Variants in HS6ST1 observed in about 807,000 individuals in gnomAD.
The protein encoded by HS6ST1 is heparan-sulfate 6-O-sulfotransferase 1.
Under a neutral mutation model 25.2 loss-of-function variants are expected in HS6ST1, and 3 were observed. The ratio of observed to expected loss-of-function variants is 0.12; its 90% confidence interval spans 0.05 to 0.31. The LOEUF is 0.31. Among genes scored for constraint, HS6ST1 ranks in the 10% least tolerant of loss-of-function variants. HS6ST1 has a pLI of 1.00. For synonymous variants in HS6ST1, 204 were observed against 275.1 expected, an observed-to-expected ratio of 0.74 and a Z score of 2.56; for missense variants, 310 against 609.6, an observed-to-expected ratio of 0.51 and a Z score of 5.18.
At chr2:128,281,924 C>T (rs1693796067) in intron 1 of HS6ST1, among the ~76,000 whole-genome samples, 3 of 152,254 alleles carry the variant, frequency 2.0e-5, no homozygotes, top group Non-Finnish European at 1.5e-5. Flanking sequence ...GGTTCAATAA[C>T]TAGCCCAGGC....
intron 1 of HS6ST1, among the ~76,000 whole-genome samples, chr2:128,306,470 C>A (rs142879758): frequency 6.6e-6 from 1 of 152,324 alleles, no homozygotes; most frequent in Non-Finnish European, 1.5e-5. Context: ...CGATCTCCCA[C>A]GGTCACCAAT....
chr2:128,302,543 A>C (rs1264637319), intron 1 of HS6ST1, among the ~76,000 whole-genome samples: 3 of 152,060 alleles, frequency 2.0e-5, no homozygotes, highest in African/African-American at 7.2e-5. Flanking sequence ...GGGCCCAGGA[A>C]TAGCTCTGCA....
intron 1 of HS6ST1, among the ~76,000 whole-genome samples, chr2:128,316,073 A>G (rs1694358698): frequency 1.3e-5 from 2 of 152,110 alleles, no homozygotes; most frequent in Admixed American, 1.3e-4. Flanking sequence ...TTCTTGCTCC[A>G]CACATGCTCC....
intron 1 of HS6ST1, among the ~76,000 whole-genome samples, chr2:128,293,168 C>G (rs544586432): frequency 1.3e-5 from 2 of 152,228 alleles, no homozygotes; most frequent in African/African-American, 4.8e-5. Flanking sequence ...GGCACTCCAG[C>G]GTCCCACCCG....
chr2:128,274,662 G>A (rs536417725), intron 1 of HS6ST1, among the ~76,000 whole-genome samples: 93 of 152,320 alleles, frequency 6.1e-4, no homozygotes, highest in African/African-American at 2.2e-3. Context: ...GTCAGGAGCA[G>A]GGGGACAGAA....
chr2:128,273,592 C>T (rs1477723865), intron 1 of HS6ST1, among the ~76,000 whole-genome samples: 4 of 152,234 alleles, frequency 2.6e-5, no homozygotes, highest in African/African-American at 9.6e-5. Context: ...CCTCCCCTCC[C>T]CTCTGCCTTG....
intron 1 of HS6ST1, among the ~76,000 whole-genome samples, chr2:128,312,050 G>C (rs570631328): frequency 6.6e-6 from 1 of 152,246 alleles, no homozygotes. Flanking sequence ...AGGCTGCCAG[G>C]TGTCTTCCAG....
intron 1 of HS6ST1, among the ~76,000 whole-genome samples, chr2:128,284,809 C>T (rs1693837345): frequency 1.3e-5 from 2 of 152,190 alleles, no homozygotes; most frequent in Admixed American, 1.3e-4. Flanking sequence ...CTTAACGGGG[C>T]TGACTGAGCC....
intron 1 of HS6ST1, among the ~76,000 whole-genome samples, chr2:128,313,256 A>G (rs1694316875): frequency 6.6e-6 from 1 of 152,160 alleles, no homozygotes. Flanking sequence ...AGGAAATCAG[A>G]GCTATGCAGA....
intron 1 of HS6ST1, among the ~76,000 whole-genome samples, chr2:128,269,793 G>A (rs1294471221): frequency 6.6e-6 from 1 of 152,212 alleles, no homozygotes; most frequent in Non-Finnish European, 1.5e-5. Flanking sequence ...ACTGCCCGGG[G>A]GAGCAGCTCC....
chr2:128,282,746 C>T (rs539634756), intron 1 of HS6ST1, among the ~76,000 whole-genome samples: 26 of 152,344 alleles, frequency 1.7e-4, no homozygotes, highest in Non-Finnish European at 2.6e-4. Context: ...CCAGGGAAGA[C>T]GCTTGTGCCT....
rs1441529435 is a variant in HS6ST1, at chr2:128,268,864, G to C, written c.534C>G (p.Phe178Leu). 3 of 1,607,836 alleles carry C rather than the reference G, an allele frequency of 1.9e-6. No individual in the cohort carries two copies. The highest frequency in any genetic ancestry group is 1.1e-5 in the South Asian group (1 of 91,058). ...GGTCTCGTAGCAGGGTGATGTAGTA[G>C]AACTTCCTGCAAGGAGACGGGGAGA... is the stretch of plus-strand genomic sequence containing the variant. ...DSAALRTPRK[F>L]YYITLLRDPV... The change falls in exon 2 of 2, where the codon TTC (phenylalanine) becomes TTG (leucine). Residue 178 changes from phenylalanine to leucine, a missense_variant. Around this residue, in one of 5 missense-constraint regions of HS6ST1, gnomAD observed 98 missense variants for 270.3 expected, o/e 0.36. Coordinates refer to ENST00000259241, the MANE Select transcript of HS6ST1 (RefSeq NM_004807.3).
chr2:128,290,128 T>C (rs1267261062), intron 1 of HS6ST1: 1 of 152,036 alleles, frequency 6.6e-6, no homozygotes, highest in African/African-American at 2.4e-5. Context: ...TATTGCAAAA[T>C]GTTAACAAGC....
At chr2:128,268,939 G>A (rs1693569561) in intron 1 of HS6ST1, 69 bp from the exon 2 acceptor site, 4 of 1,332,416 alleles carry the variant, frequency 3.0e-6, no homozygotes, top group Non-Finnish European at 4.2e-6. Flanking sequence ...GGGCTGCTCT[G>A]AGTCAAAGTC....
At chr2:128,292,447 C>T (rs763695014) in intron 1 of HS6ST1, among the ~76,000 whole-genome samples, 6 of 152,328 alleles carry the variant, frequency 3.9e-5, no homozygotes, top group Admixed American at 3.3e-4. Context: ...GGGCGAGACA[C>T]GTACTGGAGA....
rs777143343 is a variant in HS6ST1 at position 128,268,500 on chromosome 2, T to C, written c.898A>G (p.Thr300Ala). 1.9e-6 allele frequency: 3 copies of C among 1,611,266 alleles called. No homozygotes were observed. The highest frequency in any genetic ancestry group is 1.7e-5 in the Admixed American group (1 of 59,688). Residue 300 changes from threonine to alanine, a missense_variant, in exon 2 of 2, where the codon ACG becomes GCG. Physicochemically the swap from Thr to Ala is moderately conservative, Grantham distance 58. Around this residue, in one of 5 missense-constraint regions of HS6ST1, gnomAD observed 140 missense variants for 176.5 expected, o/e 0.79. Coordinates refer to ENST00000259241, the MANE Select transcript of HS6ST1 (RefSeq NM_004807.3). ...AACGTCCGCTCGAACAGGTACTGCG[T>C]CTTGCGCTGGAACTCGGTCAGGCCG... ...FFGLTEFQRK[T>A]QYLFERTFNL... is the part of the protein sequence containing the mutation.
chr2:128,304,469 G>A (rs1248403961), intron 1 of HS6ST1, among the ~76,000 whole-genome samples: 4 of 136,168 alleles, frequency 2.9e-5, no homozygotes, highest in African/African-American at 1.1e-4. Context: ...TGGCTAAGGG[G>A]CAGGAGGACG....
At chr2:128,289,273 G>T (rs1693913668) in intron 1 of HS6ST1, among the ~76,000 whole-genome samples, 1 of 152,194 alleles carries the variant, frequency 6.6e-6, no homozygotes, top group Non-Finnish European at 1.5e-5. Flanking sequence ...CGGGAATGCT[G>T]ACTCTCCAGA....
intron 1 of HS6ST1, among the ~76,000 whole-genome samples, chr2:128,279,559 G>A (rs1693747903): frequency 6.6e-6 from 1 of 151,992 alleles, no homozygotes. Flanking sequence ...GATCTCCCAG[G>A]GACCAGGGGT....
Sources: allele counts gnomAD v4.1 joint callset (sites outside exome capture counted in the v4.1 genomes callset), GRCh38; gene constraint gnomAD v4.1.1; regional missense constraint gnomAD v4.1.1; transcripts MANE v1.5; gene names NCBI Gene and HGNC (gene_info 2026-07-23, HGNC 2026-07-21).